GPR158: variants seen among roughly 807,000 people sequenced by gnomAD.
The protein encoded by GPR158 is metabotropic glycine receptor.
GPR158 carries 30 observed loss-of-function variants against 78.2 expected under a neutral mutation model. The observed-to-expected ratio is 0.38, with a 90% CI of 0.29 to 0.52. The LOEUF (loss-of-function observed/expected upper bound fraction) is 0.52. GPR158 is among the 20% of genes least tolerant of loss of function. GPR158 has a pLI of 0.83. For synonymous variants in GPR158, 581 were observed against 591.1 expected, an observed-to-expected ratio of 0.98 and a Z score of 0.25; for missense variants, 1,463 against 1,523.5, an observed-to-expected ratio of 0.96 and a Z score of 0.66.
At chr10:25,182,339 T>TTC (rs1193762221) in intron 1 of GPR158, among the ~76,000 whole-genome samples, 2 of 152,200 alleles carry the variant, frequency 1.3e-5, no homozygotes, top group African/African-American at 4.8e-5. Flanking sequence ...CCTCTATAAT[T>TTC]TCTCTCGAGA....
chr10:25,366,695 G>A (rs1375352797), intron 2 of GPR158, among the ~76,000 whole-genome samples: 1 of 151,536 alleles, frequency 6.6e-6, no homozygotes, highest in Non-Finnish European at 1.5e-5. Context: ...CTGAAATTTT[G>A]TATTCTTTGA....
At chr10:25,500,022 A>G (rs1478814729) in intron 5 of GPR158, among the ~76,000 whole-genome samples, 1 of 152,260 alleles carries the variant, frequency 6.6e-6, no homozygotes, top group Admixed American at 6.5e-5. Context: ...ATTTTAGCAT[A>G]TGATTAACCA....
At chr10:25,390,563 C>A (rs1760731) in intron 2 of GPR158, among the ~76,000 whole-genome samples, 97,653 of 151,820 alleles carry the variant, frequency 0.64, 32,365 homozygotes, top group Non-Finnish European at 0.73. Context: ...GGTATCTAGC[C>A]AAAGAAATTT....
intron 4 of GPR158, among the ~76,000 whole-genome samples, chr10:25,454,895 T>C (rs1564460167): frequency 1.3e-5 from 2 of 152,300 alleles, no homozygotes; most frequent in East Asian, 1.9e-4. Flanking sequence ...ATCAACAGTA[T>C]TGGATTTTTC....
chr10:25,296,558 G>A lies in GPR158; in HGVS notation c.1008+75401G>A, dbSNP rs547211402. The stretch of plus-strand genomic sequence containing the variant: ...CCTTGTCCAAGATTAAAATGAAGAG[G>A]TTAGGGGTTTTGCCTTGCTTATTGG... On this transcript the variant is annotated intron_variant, in intron 2 of 10. Coordinates refer to ENST00000376351, the MANE Select transcript of GPR158 (RefSeq NM_020752.3). 2.6e-5 allele frequency among the ~76,000 whole-genome samples: 4 copies of A among 152,172 alleles called. No individual in the cohort carries two copies. The South Asian group carries it at 8.3e-4, about 32-fold the overall frequency.
At chr10:25,254,141 C>T (rs1447919557) in intron 2 of GPR158, among the ~76,000 whole-genome samples, 1 of 152,118 alleles carries the variant, frequency 6.6e-6, no homozygotes, top group Non-Finnish European at 1.5e-5. Flanking sequence ...ACTGCTTGTA[C>T]TTGGGGCTTT....
At chr10:25,253,034 C>T (rs1317319838) in intron 2 of GPR158, among the ~76,000 whole-genome samples, 1 of 152,240 alleles carries the variant, frequency 6.6e-6, no homozygotes, top group Non-Finnish European at 1.5e-5. Context: ...TTTCTTAAGC[C>T]GGTCTGAAAA....
At chr10:25,385,579 A>T (rs1834210820) in intron 2 of GPR158, among the ~76,000 whole-genome samples, 1 of 152,102 alleles carries the variant, frequency 6.6e-6, no homozygotes, top group Non-Finnish European at 1.5e-5. Context: ...TCATGTTTTC[A>T]CCAACAGTGC....
intron 4 of GPR158, among the ~76,000 whole-genome samples, chr10:25,442,708 T>C (rs760457206): frequency 5.3e-5 from 8 of 152,152 alleles, no homozygotes; most frequent in Admixed American, 1.3e-4. Flanking sequence ...ATCCTTGACA[T>C]AGCTCTATTC....
intron 1 of GPR158, among the ~76,000 whole-genome samples, chr10:25,183,188 A>T (rs1852635328): frequency 6.6e-6 from 1 of 152,136 alleles, no homozygotes; most frequent in Admixed American, 6.5e-5. Context: ...CAGGAAGAAA[A>T]ACTTGACCTA....
intron 2 of GPR158, among the ~76,000 whole-genome samples, chr10:25,345,552 G>C (rs912236501): frequency 4.6e-5 from 7 of 151,882 alleles, no homozygotes; most frequent in Non-Finnish European, 1.0e-4. Context: ...GACTAAACAT[G>C]GAGAGATACC....
intron 5 of GPR158, among the ~76,000 whole-genome samples, chr10:25,520,450 CT>C (rs1836245234): frequency 6.6e-6 from 1 of 150,486 alleles, no homozygotes; most frequent in African/African-American, 2.5e-5. Flanking sequence ...GAGAGGCGTT[CT>C]GCGTTTTAGA....
chr10:25,344,858 A>G (rs1212696622), intron 2 of GPR158, among the ~76,000 whole-genome samples: 1 of 152,002 alleles, frequency 6.6e-6, no homozygotes. Context: ...TCCAATATCA[A>G]GGTGCCAGCA....
chr10:25,238,623 A>G (rs1271052857), intron 2 of GPR158, among the ~76,000 whole-genome samples: 1 of 152,122 alleles, frequency 6.6e-6, no homozygotes, highest in Non-Finnish European at 1.5e-5. Context: ...ACTTTCAGAG[A>G]GTTTGGGGAT....
At chr10:25,305,348 G>T (rs913525878) in intron 2 of GPR158, among the ~76,000 whole-genome samples, 1 of 152,178 alleles carries the variant, frequency 6.6e-6, no homozygotes, top group Non-Finnish European at 1.5e-5. Context: ...CTATGTGCCA[G>T]GGTGTGTTAA....
chr10:25,367,909 T>C (rs959751), intron 2 of GPR158, among the ~76,000 whole-genome samples: 21,507 of 151,828 alleles, frequency 0.14, 1,849 homozygotes, highest in African/African-American at 0.24. Flanking sequence ...CCCATACATA[T>C]ACTGTCAGAT....
chr10:25,217,047 C>T (rs1853226021), intron 1 of GPR158, among the ~76,000 whole-genome samples: 1 of 152,088 alleles, frequency 6.6e-6, no homozygotes, highest in African/African-American at 2.4e-5. Flanking sequence ...ACATAGAAAG[C>T]AGTGTATGAT....
At chr10:25,342,238 C>G (rs1855313146) in intron 2 of GPR158, among the ~76,000 whole-genome samples, 1 of 105,212 alleles carries the variant, frequency 9.5e-6, no homozygotes. Context: ...CTGAAGGGAA[C>G]TGTTTTATTT....
At chr10:25,297,105 A>C (rs964767111) in intron 2 of GPR158, among the ~76,000 whole-genome samples, 1 of 152,188 alleles carries the variant, frequency 6.6e-6, no homozygotes, top group Non-Finnish European at 1.5e-5. Context: ...TATTTTAATT[A>C]GCTCTCCATA....
Sources: gnomAD v4.1 joint callset for allele counts (sites outside exome capture counted in the v4.1 genomes callset) on GRCh38, gnomAD v4.1.1 for gene constraint, MANE v1.5 for transcripts, NCBI Gene and HGNC (gene_info 2026-07-23, HGNC 2026-07-21) for gene names.